TMEM181: variants seen among roughly 807,000 people sequenced by gnomAD.
The protein encoded by TMEM181 is G protein-coupled receptor 178.
A neutral mutation model predicts 71.9 loss-of-function variants in TMEM181; 39 were observed. The observed-to-expected ratio is 0.54, with a 90% confidence interval of 0.42 to 0.71. The LOEUF (loss-of-function observed/expected upper bound fraction) is 0.71. TMEM181 is among the 30% of genes least tolerant of loss of function. TMEM181 has a pLI of 0.00. For synonymous variants in TMEM181, 245 were observed against 228.8 expected, an observed-to-expected ratio of 1.07 and a Z score of -0.64; for missense variants, 595 against 583.0, an observed-to-expected ratio of 1.02 and a Z score of -0.21.
At chr6:158,540,837 G>A (rs1447599849) in intron 1 of TMEM181, among the ~76,000 whole-genome samples, 1 of 152,098 alleles carries the variant, frequency 6.6e-6, no homozygotes, top group Non-Finnish European at 1.5e-5. Context: ...GTGTGGTCAT[G>A]GCTCACTGCA....
intron 6 of TMEM181, 110 bp from the exon 7 acceptor site, chr6:158,605,157 T>TA: frequency 1.5e-6 from 1 of 656,330 alleles, no homozygotes; most frequent in South Asian, 1.6e-5. Flanking sequence ...TGTGTGTGTG[T>TA]GTATGTGTAT....
intron 1 of TMEM181, among the ~76,000 whole-genome samples, chr6:158,547,868 C>T (rs1582920432): frequency 1.1e-5 from 1 of 91,586 alleles, no homozygotes; most frequent in Non-Finnish European, 2.0e-5. Flanking sequence ...GCCTGGGCAA[C>T]AAGAGCAAAA....
At chr6:158,554,186 A>G (rs1482983415) in intron 1 of TMEM181, among the ~76,000 whole-genome samples, 1 of 152,054 alleles carries the variant, frequency 6.6e-6, no homozygotes, top group East Asian at 1.9e-4. Flanking sequence ...CCCAGGTTCA[A>G]GTGATTCTCC....
At chr6:158,595,458 A>G (rs1023284275) in intron 6 of TMEM181, among the ~76,000 whole-genome samples, 1 of 152,226 alleles carries the variant, frequency 6.6e-6, no homozygotes, top group Admixed American at 6.5e-5. Flanking sequence ...GCAGTAATGC[A>G]TACGTATATT....
intron 1 of TMEM181, among the ~76,000 whole-genome samples, chr6:158,541,056 G>T (rs962403147): frequency 2.2e-4 from 34 of 152,266 alleles, no homozygotes; most frequent in African/African-American, 7.2e-4. Flanking sequence ...CATCCTTGAG[G>T]ATTCTAATGT....
At chr6:158,584,398 A>G (rs1230689192) in intron 4 of TMEM181, among the ~76,000 whole-genome samples, 2 of 152,198 alleles carry the variant, frequency 1.3e-5, no homozygotes, top group Non-Finnish European at 2.9e-5. Flanking sequence ...GTCTTGAGAC[A>G]ATTTCGTCAC....
At position 158,573,409 on chromosome 6, in the gene TMEM181, T is replaced by A. The variant is rs1255615767; in HGVS notation, c.9-11T>A. The A allele has an allele frequency of 1.9e-6, 3 of 1,570,436 alleles. No individual in the cohort carries two copies. The highest frequency in any genetic ancestry group is 2.6e-6 in the Non-Finnish European group (3 of 1,159,528). On this transcript the variant is annotated splice_polypyrimidine_tract_variant and intron_variant, in intron 1 of 16. Transcript: ENST00000684151. ...CCCTGACCGTCCCTCACTGCTGGCT[T>A]CTGCCCCCAGGCTGGCGCCCATGCG... is the stretch of plus-strand genomic sequence containing the variant.
chr6:158,582,501 C>CAA (rs757087524), intron 3 of TMEM181, among the ~76,000 whole-genome samples: 144 of 152,098 alleles, frequency 9.5e-4, no homozygotes, highest in Middle Eastern at 3.4e-3. Flanking sequence ...TGTGTCTCTA[C>CAA]AACAAATTTA....
At position 158,634,337 on chromosome 6, in the gene TMEM181, G is replaced by A. The variant is rs185490085; in HGVS notation, c.*2449G>A. On this transcript the variant is annotated 3_prime_UTR_variant, in exon 17 of 17. Transcript: ENST00000684151. ...ATAGGTATCAGGTTAAAACACTAAA[G>A]TCTGCCAGAAACTTTTGACAGTAGC... The A allele has an allele frequency of 6.6e-6, 1 of 152,272 alleles. No individual in the cohort carries two copies. Among genetic ancestry groups the A allele is most frequent in the East Asian group, 1.9e-4 (1 of 5,182 alleles). 9.4% of individuals were successfully genotyped at this position (152,272 alleles called of 1,614,324 possible). A position where few individuals can be genotyped will look rare whatever the true frequency, so the allele number is the denominator to read the frequency against.
At position 158,634,180 on chromosome 6, in the gene TMEM181, G is replaced by C. The variant is rs955352540; in HGVS notation, c.*2292G>C. ...GAAAAAAAGTTAGAAAGTACTTAAG[G>C]GGAAAATCGTTCTTACTAAGTCATG... On this transcript the variant is annotated 3_prime_UTR_variant, in exon 17 of 17. Transcript: ENST00000684151. 1 of 152,034 alleles carries C rather than the reference G, an allele frequency of 6.6e-6. No homozygotes were observed. Among genetic ancestry groups the C allele is most frequent in the African/African-American group, 2.4e-5 (1 of 41,366 alleles). 9.4% of individuals were successfully genotyped at this position (152,034 alleles called of 1,614,324 possible). A position where few individuals can be genotyped will look rare whatever the true frequency, so the allele number is the denominator to read the frequency against.
At chr6:158,560,003 G>C (rs1195737953), upstream of TMEM181, 1 of 975,912 alleles carries the variant, frequency 1.0e-6, no homozygotes. Context: ...CCCTCGCCGC[G>C]CGCCCGCGGC....
intron 2 of TMEM181, among the ~76,000 whole-genome samples, chr6:158,580,172 A>C (rs1320260487): frequency 6.6e-6 from 1 of 152,082 alleles, no homozygotes; most frequent in Non-Finnish European, 1.5e-5. Context: ...CTCTACTAAA[A>C]ATAAAAAATT....
At chr6:158,574,736 A>G (rs1783066571) in intron 2 of TMEM181, among the ~76,000 whole-genome samples, 1 of 152,180 alleles carries the variant, frequency 6.6e-6, no homozygotes, top group Non-Finnish European at 1.5e-5. Context: ...ATATCTACCT[A>G]TCTGCCTGCC....
At chr6:158,630,800 G>C (rs1252354382) in intron 15 of TMEM181, among the ~76,000 whole-genome samples, 2 of 151,748 alleles carry the variant, frequency 1.3e-5, no homozygotes, top group African/African-American at 4.8e-5. Flanking sequence ...AAAAGGATGG[G>C]AACTCTCTAG....
chr6:158,571,385 C>T (rs1308257736), intron 1 of TMEM181, among the ~76,000 whole-genome samples: 1 of 128,458 alleles, frequency 7.8e-6, no homozygotes, highest in Non-Finnish European at 1.7e-5. Context: ...CGTGATCTGC[C>T]CGCCTTGGCC....
intron 1 of TMEM181, among the ~76,000 whole-genome samples, chr6:158,543,396 G>A (rs540911117): frequency 5.4e-4 from 82 of 152,278 alleles, no homozygotes; most frequent in African/African-American, 1.8e-3. Flanking sequence ...AGTGGACCTC[G>A]TTCCCCAGAT....
At chr6:158,569,496 T>G (rs2128291037) in intron 1 of TMEM181, among the ~76,000 whole-genome samples, 1 of 152,346 alleles carries the variant, frequency 6.6e-6, no homozygotes, top group East Asian at 1.9e-4. Context: ...TAAGTTGGAC[T>G]TAAGTAGAAG....
intron 1 of TMEM181, chr6:158,572,382 C>G (rs1262741742): frequency 2.2e-6 from 1 of 456,490 alleles, no homozygotes; most frequent in Non-Finnish European, 4.4e-6. Flanking sequence ...CTCCTTCCCG[C>G]TGGTCTGGCT....
At chr6:158,622,861 C>T (rs1273356993) in intron 10 of TMEM181, among the ~76,000 whole-genome samples, 1 of 152,196 alleles carries the variant, frequency 6.6e-6, no homozygotes, top group Admixed American at 6.5e-5. Flanking sequence ...CCTGGCTTTC[C>T]ACTGTCCACC....
Sources: allele counts gnomAD v4.1 joint callset (sites outside exome capture counted in the v4.1 genomes callset), GRCh38; gene constraint gnomAD v4.1.1; transcripts MANE v1.5; gene names NCBI Gene and HGNC (gene_info 2026-07-23, HGNC 2026-07-21).